PCDHGA2: variants seen among roughly 807,000 people sequenced by gnomAD.
The protein encoded by PCDHGA2 is protocadherin gamma-A2.
PCDHGA2 carries 40 observed loss-of-function variants against 59.2 expected under a neutral mutation model. The observed-to-expected ratio is 0.68, with a 90% CI of 0.52 to 0.88. The LOEUF (loss-of-function observed/expected upper bound fraction) is 0.88, where lower values mean the gene tolerates loss of function less well. PCDHGA2 is among the 40% of genes least tolerant of loss of function. The probability of loss-of-function intolerance (pLI) is 0.00; values close to 1 mark genes in which losing one functional copy is unlikely to be tolerated. For missense variants in PCDHGA2, 1,226 were observed against 1,204.0 expected (o/e 1.02, Z -0.27); for synonymous variants, 560 against 526.0 (o/e 1.06, Z -0.89).
chr5:141,362,191 G>T, intron 1 of PCDHGA2: 1 of 1,614,010 alleles, frequency 6.2e-7, no homozygotes. Flanking sequence ...TGACCCCCAG[G>T]CAAAACTGCA....
intron 1 of PCDHGA2, chr5:141,372,071 A>G: frequency 6.2e-7 from 1 of 1,613,608 alleles, no homozygotes; most frequent in Non-Finnish European, 8.5e-7. Flanking sequence ...ACGACAATGC[A>G]CCGCTGGTGC....
Position 141,475,033 on chromosome 5 carries a change from A to G in PCDHGA2, c.2425-19774A>G, listed in dbSNP as rs1223709259. 2.0e-5 allele frequency among the ~76,000 whole-genome samples: 3 copies of G among 152,362 alleles called. No individual in the cohort carries two copies. In the East Asian group the frequency reaches 5.8e-4, roughly 29 times the overall value. ...TTAAGGCTCTTTATTCTGTGACTAA[A>G]GGCTTTGTATTTTCTAAAGATTTGT... is the stretch of plus-strand genomic sequence containing the variant. On this transcript the variant is annotated intron_variant, in intron 1 of 3. Transcript: ENST00000394576.
intron 1 of PCDHGA2, chr5:141,384,375 C>T (rs190245807): frequency 6.2e-7 from 1 of 1,613,912 alleles, no homozygotes; most frequent in South Asian, 1.1e-5. Flanking sequence ...ATTCCTTGGC[C>T]GAAGACACCA....
rs773126086 is a variant in PCDHGA2 at position 141,487,392 on chromosome 5, G to C, written c.2425-7415G>C. The C allele has an allele frequency of 6.2e-7, 1 of 1,614,176 alleles. No homozygotes were observed. Among genetic ancestry groups the C allele is most frequent in the Non-Finnish European group, 8.5e-7 (1 of 1,180,024 alleles). ...GCCTGTCTCACCAGATCTCGAAGGA[G>C]GGAGGGGCTTCCCCCTTCCAATGGG... On this transcript the variant is annotated intron_variant, in intron 1 of 3. Coordinates refer to ENST00000394576, the MANE Select transcript of PCDHGA2 (RefSeq NM_018915.4). This position sits in a 1 kb window ranked among gnomAD's most constrained non-coding sequence, Gnocchi z 5.0.
Position 141,376,287 on chromosome 5 carries a change from T to C in PCDHGA2, c.2424+34892T>C, listed in dbSNP as rs1160372923. 6.2e-6 allele frequency: 10 copies of C among 1,614,110 alleles called. No individual in the cohort carries two copies. In the Admixed American group the frequency reaches 6.7e-5, roughly 11 times the overall value. On this transcript the variant is annotated intron_variant, in intron 1 of 3. Transcript: ENST00000394576. ...GCTTCGGGAGGTGGCTTAGCGAGCA[T>C]GCCCGGCTCGCACTTTGTGGGCGTG...
At position 141,356,576 on chromosome 5, in the gene PCDHGA2, C is replaced by T. The variant is rs747539104; in HGVS notation, c.2424+15181C>T. ...ACTTTCCCTCATGCTTCCTACTCTGCTTACATTCCTGAAAACAACCCCAGA... is the reference window on the plus strand; with the variant it reads ...ACTTTCCCTCATGCTTCCTACTCTGTTTACATTCCTGAAAACAACCCCAGA... On this transcript the variant is annotated intron_variant, in intron 1 of 3. Coordinates refer to ENST00000394576, the MANE Select transcript of PCDHGA2 (RefSeq NM_018915.4). 12 of 1,614,050 alleles carry T rather than the reference C, an allele frequency of 7.4e-6. No individual in the cohort carries two copies. In the Admixed American group the frequency reaches 1.8e-4, roughly 25 times the overall value.
intron 1 of PCDHGA2, chr5:141,366,265 C>A: frequency 6.2e-7 from 1 of 1,613,684 alleles, no homozygotes; most frequent in Non-Finnish European, 8.5e-7. Context: ...TCGTGGTGGC[C>A]GTCGAAGACC....
At chr5:141,418,512 G>C (rs776986277) in intron 1 of PCDHGA2, 1 of 1,613,966 alleles carries the variant, frequency 6.2e-7, no homozygotes, top group Non-Finnish European at 8.5e-7. Context: ...TTAGATGGTG[G>C]GGACCCTCCC....
At chr5:141,420,036 G>A (rs1370492350) in intron 1 of PCDHGA2, 1 of 1,614,078 alleles carries the variant, frequency 6.2e-7, no homozygotes. Flanking sequence ...GCAGGAGACT[G>A]CTTTGAGTCA....
intron 1 of PCDHGA2, chr5:141,357,547 G>A: frequency 1.2e-6 from 2 of 1,614,214 alleles, no homozygotes; most frequent in African/African-American, 1.3e-5. Context: ...CATCAGCCGG[G>A]AGAGTTGTGA....
chr5:141,400,028 C>T (rs2093943957), intron 1 of PCDHGA2: 1 of 1,613,054 alleles, frequency 6.2e-7, no homozygotes. Context: ...AGGGACGCGG[C>T]CCGCCAGCGC....
intron 1 of PCDHGA2, chr5:141,427,307 T>C (rs745903769): frequency 4.4e-6 from 2 of 456,906 alleles, no homozygotes; most frequent in South Asian, 1.5e-5. Flanking sequence ...AGAATGACAA[T>C]GCCCCAGACG....
intron 1 of PCDHGA2, chr5:141,389,594 T>G (rs1458391866): frequency 1.2e-5 from 19 of 1,613,068 alleles, no homozygotes; most frequent in Non-Finnish European, 1.5e-5. Flanking sequence ...CCGACGGCTC[T>G]GCGCTCTTCG....
intron 1 of PCDHGA2, chr5:141,372,712 A>C (rs781319922): frequency 1.2e-6 from 2 of 1,613,946 alleles, no homozygotes; most frequent in South Asian, 2.2e-5. Flanking sequence ...ATAAAGGCTG[A>C]AAATGCTGCA....
At chr5:141,420,006 GAC>G (rs745722189) in intron 1 of PCDHGA2, 1 of 1,613,936 alleles carries the variant, frequency 6.2e-7, no homozygotes, top group African/African-American at 1.3e-5. Flanking sequence ...CTACGCCTGC[GAC>G]AGTCTTTCAG....
At chr5:141,344,944 T>C (rs1757495124) in intron 1 of PCDHGA2, 1 of 1,613,738 alleles carries the variant, frequency 6.2e-7, no homozygotes, top group South Asian at 1.1e-5. Flanking sequence ...GTATCAATAT[T>C]AAAAAGTCTA....
chr5:141,420,061 G>C, intron 1 of PCDHGA2: 1 of 1,614,076 alleles, frequency 6.2e-7, no homozygotes. Flanking sequence ...TCTGCTCCAA[G>C]TCCGGACCTG....
chr5:141,393,879 G>A, intron 1 of PCDHGA2: 1 of 1,614,010 alleles, frequency 6.2e-7, no homozygotes, highest in Non-Finnish European at 8.5e-7. Context: ...GTTTAGCCCA[G>A]TGTTAGAAAA....
rs1407016089 is a variant in PCDHGA2 at position 141,489,914 on chromosome 5, C to T, written c.2425-4893C>T. On this transcript the variant is annotated intron_variant, in intron 1 of 3. Coordinates refer to ENST00000394576, the MANE Select transcript of PCDHGA2 (RefSeq NM_018915.4). The surrounding 1 kb of genome is among the most constrained non-coding windows in gnomAD (Gnocchi z 4.5). Reference sequence around the variant, plus strand: ...GGGGGGACCCCAGCCCGCTCAGGGACCACCCTTATCTCTGTCATCGTGCTG... The same window carrying T: ...GGGGGGACCCCAGCCCGCTCAGGGATCACCCTTATCTCTGTCATCGTGCTG... 3 of 1,614,094 alleles carry T rather than the reference C, an allele frequency of 1.9e-6. No individual in the cohort carries two copies. Among genetic ancestry groups the T allele is most frequent in the African/African-American group, 2.7e-5 (2 of 74,936 alleles).
Sources: allele counts gnomAD v4.1 joint callset (sites outside exome capture counted in the v4.1 genomes callset), GRCh38; gene constraint gnomAD v4.1.1; non-coding constraint Gnocchi (gnomAD v3.1); transcripts MANE v1.5; gene names NCBI Gene and HGNC (gene_info 2026-07-23, HGNC 2026-07-21).